Variants in ARL15 observed in about 807,000 individuals in gnomAD.
ARL15 encodes ADP-ribosylation factor-like protein 15.
A neutral mutation model predicts 25.2 loss-of-function variants in ARL15; 19 were observed. The ratio of observed to expected loss-of-function variants is 0.75; its 90% CI spans 0.53 to 1.10. The LOEUF (loss-of-function observed/expected upper bound fraction) is 1.10, where lower values mean the gene tolerates loss of function less well. Ranked by LOEUF, ARL15 falls within the 50% of genes least tolerant of loss-of-function variation. The pLI is 0.00. For missense variants in ARL15, 220 were observed against 246.0 expected (o/e 0.89, Z 0.71); for synonymous variants, 94 against 86.8 (o/e 1.08, Z -0.46).
chr5:54,211,742 G>A (rs1756048801), intron 1 of ARL15, among the ~76,000 whole-genome samples: 1 of 152,008 alleles, frequency 6.6e-6, no homozygotes, highest in East Asian at 1.9e-4. Flanking sequence ...AAAGTGCTGG[G>A]ATTACAGGCA....
intron 4 of ARL15, among the ~76,000 whole-genome samples, chr5:53,896,496 AT>A (rs1032235422): frequency 6.7e-6 from 1 of 150,092 alleles, no homozygotes; most frequent in African/African-American, 2.5e-5. Flanking sequence ...TTATTTATTT[AT>A]TTTTTCTTTC....
In ARL15 at chr5:54,105,675, C is replaced by T. The variant is rs554556481; in HGVS notation, c.462+7527G>A. Among the ~76,000 whole-genome samples the T allele has an allele frequency of 1.5e-4, 23 of 152,152 alleles. No homozygotes were observed. In the East Asian group the frequency reaches 1.9e-3, roughly 13 times the overall value. On this transcript the variant is annotated intron_variant, in intron 4 of 4. Transcript: ENST00000504924. ...TTGGCTCACTGCAGTCTCCACCTCC[C>T]GAGTTCAAGCAATTCTCCTGCCTCA...
intron 4 of ARL15, among the ~76,000 whole-genome samples, chr5:54,016,587 C>T (rs1336595197): frequency 1.3e-5 from 2 of 152,164 alleles, no homozygotes; most frequent in East Asian, 3.8e-4. Context: ...CGGCTCCCCA[C>T]CCCATGACAA....
intron 4 of ARL15, among the ~76,000 whole-genome samples, chr5:54,019,962 A>C (rs1455206345): frequency 6.6e-6 from 1 of 152,252 alleles, no homozygotes; most frequent in Non-Finnish European, 1.5e-5. Flanking sequence ...GCAAATTAGC[A>C]GTTCTCAAAT....
intron 4 of ARL15, among the ~76,000 whole-genome samples, chr5:53,957,015 G>GA (rs1240810058): frequency 6.7e-6 from 1 of 150,318 alleles, no homozygotes; most frequent in Non-Finnish European, 1.5e-5. Flanking sequence ...GAAGAGAAGA[G>GA]AAAGAAAAAA....
Position 53,885,391 on chromosome 5 carries a change from A to C in ARL15, c.*1170T>G, listed in dbSNP as rs551642528. 6.6e-6 allele frequency: 1 copy of C among 152,608 alleles called. No homozygotes were observed. The highest frequency in any genetic ancestry group is 1.5e-5 in the Non-Finnish European group (1 of 68,028). 9.5% of individuals were successfully genotyped at this position (152,608 alleles called of 1,614,324 possible). On this transcript the variant is annotated 3_prime_UTR_variant, in exon 5 of 5. Transcript: ENST00000504924. ...TATCCCTATGCAATTTTGTCATTTAAATTAAATGGAAAAAAAACTAGTTCC... is the reference window on the plus strand; with the variant it reads ...TATCCCTATGCAATTTTGTCATTTACATTAAATGGAAAAAAAACTAGTTCC...
chr5:54,243,533 G>A (rs780026201), intron 1 of ARL15, among the ~76,000 whole-genome samples: 9 of 152,182 alleles, frequency 5.9e-5, no homozygotes, highest in African/African-American at 9.7e-5. Flanking sequence ...CATGTATGTG[G>A]TGACTGATAG....
chr5:54,106,545 C>A (rs767767950), intron 4 of ARL15, among the ~76,000 whole-genome samples: 10 of 152,094 alleles, frequency 6.6e-5, no homozygotes, highest in Non-Finnish European at 1.3e-4. Context: ...AACCTATGCA[C>A]ATCCTCCCAT....
At chr5:54,160,025 T>C (rs1025282962) in intron 2 of ARL15, among the ~76,000 whole-genome samples, 14 of 152,340 alleles carry the variant, frequency 9.2e-5, no homozygotes, top group Admixed American at 2.6e-4. Flanking sequence ...CGCACACAGA[T>C]ACTTGTGTGC....
intron 1 of ARL15, among the ~76,000 whole-genome samples, chr5:54,263,627 C>G (rs1373882565): frequency 6.6e-6 from 1 of 152,110 alleles, no homozygotes; most frequent in Non-Finnish European, 1.5e-5. Context: ...AAGGGTAAAA[C>G]AGCAACCCTC....
chr5:54,115,150 A>G (rs1448410031), intron 3 of ARL15, among the ~76,000 whole-genome samples: 1 of 152,146 alleles, frequency 6.6e-6, no homozygotes, highest in Non-Finnish European at 1.5e-5. Context: ...TCTCCCAGAG[A>G]GCCAACACAC....
intron 1 of ARL15, among the ~76,000 whole-genome samples, chr5:54,184,136 T>G: frequency 8.3e-6 from 1 of 120,638 alleles, no homozygotes; most frequent in East Asian, 3.0e-4. Flanking sequence ...CATTGGGAGA[T>G]ATACCTAATG....
chr5:54,004,454 C>A (rs2111740931), intron 4 of ARL15, among the ~76,000 whole-genome samples: 1 of 150,430 alleles, frequency 6.6e-6, no homozygotes, highest in Middle Eastern at 3.4e-3. Flanking sequence ...GATCACCGTA[C>A]CACCGCACTC....
rs550998381 is a variant in ARL15, at chr5:53,894,733, C to A, written c.463-8020G>T. 5.9e-4 allele frequency among the ~76,000 whole-genome samples: 90 copies of A among 152,280 alleles called. 1 individual carries two copies. Among genetic ancestry groups the A allele is most frequent in the Non-Finnish European group, 1.1e-3 (74 of 68,014 alleles). The stretch of plus-strand genomic sequence containing the variant: ...TCCTGCATCCAGGCCTTTGCTCCAA[C>A]TACTGCTTCCAACCCTAGGTGCCTC... On this transcript the variant is annotated intron_variant, in intron 4 of 4. Coordinates refer to ENST00000504924, the MANE Select transcript of ARL15 (RefSeq NM_019087.3).
At chr5:53,970,943 T>C (rs950850776) in intron 4 of ARL15, among the ~76,000 whole-genome samples, 3 of 152,198 alleles carry the variant, frequency 2.0e-5, no homozygotes, top group Non-Finnish European at 4.4e-5. Context: ...TTTGATGTTA[T>C]AGTTGGGAGA....
intron 4 of ARL15, among the ~76,000 whole-genome samples, chr5:53,907,367 G>A (rs1158205618): frequency 1.3e-5 from 2 of 148,630 alleles, no homozygotes; most frequent in East Asian, 3.9e-4. Context: ...AAATGTGTAG[G>A]TGAGCATGTG....
chr5:54,289,019 T>C (rs960245783), intron 1 of ARL15, among the ~76,000 whole-genome samples: 1 of 152,158 alleles, frequency 6.6e-6, no homozygotes, highest in Non-Finnish European at 1.5e-5. Context: ...AAAAGAATTT[T>C]CCATACGTCA....
At chr5:54,047,842 G>A (rs886325271) in intron 4 of ARL15, among the ~76,000 whole-genome samples, 1 of 152,138 alleles carries the variant, frequency 6.6e-6, no homozygotes, top group African/African-American at 2.4e-5. Flanking sequence ...TTTATTCACA[G>A]ACATGTTAAA....
intron 4 of ARL15, among the ~76,000 whole-genome samples, chr5:54,076,741 C>T (rs1403281002): frequency 6.6e-6 from 1 of 151,392 alleles, no homozygotes; most frequent in Admixed American, 6.6e-5. Flanking sequence ...AAAGATGAAA[C>T]TAAATGAAAA....
Sources: gnomAD v4.1 joint callset for allele counts (sites outside exome capture counted in the v4.1 genomes callset) on GRCh38, gnomAD v4.1.1 for gene constraint, MANE v1.5 for transcripts, NCBI Gene and HGNC (gene_info 2026-07-23, HGNC 2026-07-21) for gene names.